KCNIP1: variants seen among roughly 807,000 people sequenced by gnomAD.
KCNIP1 encodes A-type potassium channel modulatory protein KCNIP1.
In KCNIP1, 18 loss-of-function variants were observed where a neutral mutation model predicts 33.0. That is an observed-to-expected ratio of 0.55 (90% CI 0.38 to 0.81). KCNIP1 has a LOEUF of 0.81. KCNIP1 is among the 30% of genes least tolerant of loss of function. The pLI is 0.00. For synonymous variants in KCNIP1, 93 were observed against 98.3 expected (o/e 0.95, Z 0.32); for missense variants, 238 against 271.6 (o/e 0.88, Z 0.87).
chr5:170,644,959 C>G (rs769790090), intron 1 of KCNIP1, among the ~76,000 whole-genome samples: 2 of 152,208 alleles, frequency 1.3e-5, no homozygotes, highest in African/African-American at 2.4e-5. Flanking sequence ...GTATACTGGC[C>G]TCTCTTGCCG....
chr5:170,722,874 CA>C, intron 5 of KCNIP1, 54 bp downstream of exon 5: 1 of 1,083,986 alleles, frequency 9.2e-7, no homozygotes, highest in Non-Finnish European at 1.4e-6. Flanking sequence ...GTAACTAACC[CA>C]ACAGAAAACA....
intron 1 of KCNIP1, among the ~76,000 whole-genome samples, chr5:170,518,351 A>G (rs77327030): frequency 0.02 from 3,070 of 152,286 alleles, 84 homozygotes; most frequent in African/African-American, 0.07. Context: ...AAAAGTAGGA[A>G]AGAATAAGAC....
Position 170,392,328 on chromosome 5 carries a change from A to G in KCNIP1, c.88+38364A>G, listed in dbSNP as rs74327936. On this transcript the variant is annotated intron_variant, in intron 1 of 7. Coordinates refer to the KCNIP1 transcript ENST00000377360. The stretch of plus-strand genomic sequence containing the variant: ...GCTCTCTCTGAATTCCAGAGCCACA[A>G]AATCCACGAGAAGAAAAAAACTAAT... 7.4e-3 allele frequency among the ~76,000 whole-genome samples: 1,133 copies of G among 152,316 alleles called. 16 individuals carry two copies. The highest frequency in any genetic ancestry group is 0.026 in the African/African-American group (1,089 of 41,566).
intron 1 of KCNIP1, among the ~76,000 whole-genome samples, chr5:170,597,051 G>T (rs1204451360): frequency 6.6e-6 from 1 of 152,228 alleles, no homozygotes; most frequent in African/African-American, 2.4e-5. Flanking sequence ...TGAAGCTCAT[G>T]CAGCTGCTAA....
chr5:170,702,697 GT>G (rs1763137443), intron 1 of KCNIP1, among the ~76,000 whole-genome samples: 1 of 152,138 alleles, frequency 6.6e-6, no homozygotes, highest in South Asian at 2.1e-4. Context: ...GTCCCTTGAG[GT>G]TCCAAAGCAT....
At chr5:170,671,015 T>C (rs1425849381) in intron 1 of KCNIP1, among the ~76,000 whole-genome samples, 1 of 152,006 alleles carries the variant, frequency 6.6e-6, no homozygotes, top group Non-Finnish European at 1.5e-5. Context: ...CTCTCTGTGG[T>C]CCTTTAGGCA....
intron 1 of KCNIP1, among the ~76,000 whole-genome samples, chr5:170,527,972 A>C (rs537386077): frequency 5.9e-5 from 9 of 151,962 alleles, no homozygotes; most frequent in East Asian, 1.9e-4. Context: ...GGGTCATGTT[A>C]TTTTTCGATT....
At chr5:170,590,464 A>G (rs1447036318) in intron 1 of KCNIP1, among the ~76,000 whole-genome samples, 6 of 152,024 alleles carry the variant, frequency 3.9e-5, no homozygotes, top group Non-Finnish European at 8.8e-5. Context: ...TGAGGCTGAC[A>G]CGTTTCTATC....
intron 1 of KCNIP1, among the ~76,000 whole-genome samples, chr5:170,635,183 C>T (rs1271787161): frequency 6.6e-6 from 1 of 152,180 alleles, no homozygotes; most frequent in Non-Finnish European, 1.5e-5. Flanking sequence ...GCACCCACCA[C>T]CACACCCAGC....
chr5:170,718,580 G>C (rs6555913), intron 1 of KCNIP1, among the ~76,000 whole-genome samples, 178 bp from the exon 2 acceptor site: 1 of 151,964 alleles, frequency 6.6e-6, no homozygotes, highest in Non-Finnish European at 1.5e-5. Context: ...GGTGTTTGAC[G>C]CAGAGGCTGA....
chr5:170,409,055 C>T (rs1198638666), intron 1 of KCNIP1, among the ~76,000 whole-genome samples: 3 of 152,130 alleles, frequency 2.0e-5, no homozygotes, highest in African/African-American at 4.8e-5. Flanking sequence ...CGGGGAGAGG[C>T]TCTATTCTAG....
chr5:170,372,743 A>G (rs1471073252), intron 1 of KCNIP1, among the ~76,000 whole-genome samples: 1 of 152,238 alleles, frequency 6.6e-6, no homozygotes, highest in Non-Finnish European at 1.5e-5. Flanking sequence ...GTATTTGAAC[A>G]TGCGGAATCA....
At chr5:170,442,642 G>A (rs1047928304) in intron 1 of KCNIP1, among the ~76,000 whole-genome samples, 1 of 151,930 alleles carries the variant, frequency 6.6e-6, no homozygotes, top group Non-Finnish European at 1.5e-5. Flanking sequence ...TTTCTGCCAA[G>A]ACAATCTGGA....
chr5:170,580,448 A>G (rs572989870), intron 1 of KCNIP1, among the ~76,000 whole-genome samples: 59 of 152,196 alleles, frequency 3.9e-4, no homozygotes, highest in Non-Finnish European at 6.5e-4. Context: ...TTGAGGTTCC[A>G]AGAAGTCTTT....
At chr5:170,402,083 A>C (rs1754918659) in intron 1 of KCNIP1, among the ~76,000 whole-genome samples, 1 of 152,136 alleles carries the variant, frequency 6.6e-6, no homozygotes, top group Non-Finnish European at 1.5e-5. Context: ...CTCTGTCTTC[A>C]TGTGGCCTTC....
intron 1 of KCNIP1, among the ~76,000 whole-genome samples, chr5:170,453,659 G>A (rs565901830): frequency 4.5e-4 from 69 of 152,246 alleles, no homozygotes; most frequent in African/African-American, 1.5e-3. Context: ...TGGCGGAGGT[G>A]GTGGGACGTT....
Position 170,504,689 on chromosome 5 carries a change from G to A in KCNIP1, c.61+56G>A. Reference sequence around the variant, plus strand: ...TCTGGGCTTGGGGGTGCTAGGCGCCGAGGTGGGCTGTGCCACCTGCCTCCC... The same window carrying A: ...TCTGGGCTTGGGGGTGCTAGGCGCCAAGGTGGGCTGTGCCACCTGCCTCCC... On this transcript the variant is annotated intron_variant, in intron 1 of 7. Coordinates refer to ENST00000328939, the MANE Select transcript of KCNIP1 (RefSeq NM_014592.4). This position sits in a 1 kb window ranked among gnomAD's most constrained non-coding sequence, Gnocchi z 6.0. 6.8e-7 allele frequency: 1 copy of A among 1,478,758 alleles called. No individual in the cohort carries two copies. Among genetic ancestry groups the A allele is most frequent in the Non-Finnish European group, 9.5e-7 (1 of 1,058,056 alleles). The allele number at this position is 1,478,758 out of a possible 1,614,324, so 91.6% of individuals were successfully genotyped here.
chr5:170,367,377 GAAA>G (rs1763700904), intron 1 of KCNIP1, among the ~76,000 whole-genome samples: 2 of 107,176 alleles, frequency 1.9e-5, no homozygotes, highest in African/African-American at 7.8e-5. Flanking sequence ...AAGAAAGAAA[GAAA>G]GAAAGAAAGA....
chr5:170,609,639 A>G (rs1759067461), intron 1 of KCNIP1, among the ~76,000 whole-genome samples: 1 of 152,116 alleles, frequency 6.6e-6, no homozygotes, highest in South Asian at 2.1e-4. Context: ...CCAGGAGTTC[A>G]AGACCAGCCT....
Sources: allele counts gnomAD v4.1 joint callset (sites outside exome capture counted in the v4.1 genomes callset), GRCh38; gene constraint gnomAD v4.1.1; non-coding constraint Gnocchi (gnomAD v3.1); transcripts MANE v1.5; gene names NCBI Gene and HGNC (gene_info 2026-07-23, HGNC 2026-07-21).